Variants in CADM2 observed in about 807,000 individuals in gnomAD.
CADM2 encodes the protein cell adhesion molecule 2.
A neutral mutation model predicts 49.8 loss-of-function variants in CADM2; 12 were observed. That is an observed-to-expected ratio of 0.24 (90% CI 0.15 to 0.39). CADM2 has a LOEUF of 0.39. Ranked by LOEUF, CADM2 falls within the 10% of genes least tolerant of loss-of-function variation. CADM2 has a pLI of 1.00. For synonymous variants in CADM2, 214 were observed against 175.4 expected, an observed-to-expected ratio of 1.22 and a Z score of -1.74; for missense variants, 378 against 492.3, an observed-to-expected ratio of 0.77 and a Z score of 2.20.
intron 1 of CADM2, among the ~76,000 whole-genome samples, chr3:85,706,254 G>T (rs574189721): frequency 6.6e-6 from 1 of 152,100 alleles, no homozygotes; most frequent in African/African-American, 2.4e-5. Flanking sequence ...TATTATCATG[G>T]GTTGCTCCCA....
intron 1 of CADM2, among the ~76,000 whole-genome samples, chr3:85,383,491 T>C (rs528268911): frequency 6.9e-6 from 1 of 144,332 alleles, no homozygotes; most frequent in Non-Finnish European, 1.5e-5. Context: ...TATAATACTT[T>C]ATACATAAAA....
At chr3:85,626,502 G>A (rs897097119) in intron 1 of CADM2, among the ~76,000 whole-genome samples, 1 of 151,798 alleles carries the variant, frequency 6.6e-6, no homozygotes, top group Non-Finnish European at 1.5e-5. Context: ...GAAAGTAACT[G>A]ATGCTATTTC....
At chr3:85,800,184 G>C (rs1488228022) in intron 2 of CADM2, 1 of 152,208 alleles carries the variant, frequency 6.6e-6, no homozygotes, top group Non-Finnish European at 1.5e-5. Context: ...TGTTTACATT[G>C]TGAGGGGCAA....
At chr3:85,721,715 G>A (rs544971030) in intron 1 of CADM2, among the ~76,000 whole-genome samples, 1 of 152,300 alleles carries the variant, frequency 6.6e-6, no homozygotes, top group African/African-American at 2.4e-5. Flanking sequence ...GAACTGCAGG[G>A]CCCCAAAGTG....
intron 1 of CADM2, among the ~76,000 whole-genome samples, chr3:84,964,550 C>T (rs2030823651): frequency 1.3e-5 from 2 of 152,148 alleles, no homozygotes; most frequent in South Asian, 4.1e-4. Context: ...GTCACCTATT[C>T]TGTAGCAGCT....
intron 1 of CADM2, among the ~76,000 whole-genome samples, chr3:85,065,364 T>G (rs1391226626): frequency 1.3e-5 from 2 of 152,116 alleles, no homozygotes; most frequent in Non-Finnish European, 2.9e-5. Context: ...TAAAATTGCT[T>G]TAATTACCAC....
intron 1 of CADM2, among the ~76,000 whole-genome samples, chr3:85,237,591 A>C (rs2042436308): frequency 6.6e-6 from 1 of 151,542 alleles, no homozygotes; most frequent in South Asian, 2.1e-4. Flanking sequence ...AATATAATAC[A>C]AAAGCAAACA....
intron 2 of CADM2, among the ~76,000 whole-genome samples, chr3:85,750,042 CTT>C (rs1292371708): frequency 6.6e-6 from 1 of 151,898 alleles, no homozygotes; most frequent in Non-Finnish European, 1.5e-5. Flanking sequence ...ATGAATTACT[CTT>C]TGTCATTCTG....
chr3:85,231,782 G>C (rs1277430064), intron 1 of CADM2, among the ~76,000 whole-genome samples: 2 of 148,458 alleles, frequency 1.3e-5, no homozygotes, highest in Admixed American at 1.4e-4. Context: ...GTGCAATCTC[G>C]GCTCACTGCA....
At chr3:85,739,547 T>G (rs1017386554) in intron 2 of CADM2, among the ~76,000 whole-genome samples, 36 of 152,188 alleles carry the variant, frequency 2.4e-4, no homozygotes, top group Admixed American at 4.6e-4. Flanking sequence ...TTAAGGGGAA[T>G]AATAATGTTG....
chr3:85,729,501 AG>A (rs2067845355), intron 2 of CADM2, among the ~76,000 whole-genome samples: 2 of 152,150 alleles, frequency 1.3e-5, no homozygotes, highest in African/African-American at 4.8e-5. Context: ...AGAGAGAGAG[AG>A]AGGGAAAAGT....
In CADM2 at chr3:84,991,098, ACTT is replaced by A. The variant is rs751606127; in HGVS notation, c.61+31431_61+31433del. Among the ~76,000 whole-genome samples, 26 of 151,950 alleles carry A rather than the reference ACTT, an allele frequency of 1.7e-4. No homozygotes were observed. In the East Asian group the frequency reaches 1.7e-3, roughly 10 times the overall value. On this transcript the variant is annotated intron_variant, in intron 1 of 9. Transcript: ENST00000383699. ...AATTTCCAGGATACCAGGTTTGTGT[ACTT>A]TATTTCTAAGCTCTTTTGTACTTAT...
At chr3:85,193,147 A>G (rs1016220280) in intron 1 of CADM2, among the ~76,000 whole-genome samples, 3 of 152,068 alleles carry the variant, frequency 2.0e-5, no homozygotes, top group Non-Finnish European at 4.4e-5. Flanking sequence ...GTATTAAAAT[A>G]TAGGGTATAT....
intron 1 of CADM2, among the ~76,000 whole-genome samples, chr3:85,308,330 C>CAA (rs938025504): frequency 1.3e-5 from 2 of 151,344 alleles, no homozygotes; most frequent in African/African-American, 4.9e-5. Flanking sequence ...CACACACACA[C>CAA]ACACACACAC....
intron 1 of CADM2, among the ~76,000 whole-genome samples, chr3:85,266,633 A>G (rs1017206078): frequency 2.0e-5 from 3 of 151,848 alleles, no homozygotes; most frequent in African/African-American, 7.2e-5. Context: ...CTGCCTCTGT[A>G]TATGTCTTGC....
chr3:85,076,194 C>T (rs1040307207), intron 1 of CADM2, among the ~76,000 whole-genome samples: 8 of 151,972 alleles, frequency 5.3e-5, no homozygotes, highest in African/African-American at 1.9e-4. Flanking sequence ...AAAATTAAGG[C>T]ATTAACAAGT....
intron 1 of CADM2, among the ~76,000 whole-genome samples, chr3:85,668,295 C>CAAA (rs11447925): frequency 2.2e-3 from 177 of 81,728 alleles, no homozygotes; most frequent in East Asian, 3.1e-3. Flanking sequence ...AGTACCAAAG[C>CAAA]AAAAAAAAAA....
chr3:85,070,881 G>A (rs2036707731), intron 1 of CADM2, among the ~76,000 whole-genome samples: 1 of 151,648 alleles, frequency 6.6e-6, no homozygotes, highest in South Asian at 2.1e-4. Flanking sequence ...CTCAGCTACT[G>A]GGGAGGCTGA....
At chr3:85,452,091 T>C (rs913660440) in intron 1 of CADM2, among the ~76,000 whole-genome samples, 1 of 152,134 alleles carries the variant, frequency 6.6e-6, no homozygotes. Context: ...TCAAATAATA[T>C]ATTGCCTTTT....
Sources: gnomAD v4.1 joint callset for allele counts (sites outside exome capture counted in the v4.1 genomes callset) on GRCh38, gnomAD v4.1.1 for gene constraint, MANE v1.5 for transcripts, NCBI Gene and HGNC (gene_info 2026-07-23, HGNC 2026-07-21) for gene names.